The following PNPLA7 variants were observed in gnomAD, a reference collection of about 807,000 sequenced individuals.
PNPLA7 encodes patatin like domain 7, lysophospholipase.
Under a neutral mutation model 161.7 loss-of-function variants are expected in PNPLA7, and 153 were observed. The ratio of observed to expected loss-of-function variants is 0.95; its 90% CI spans 0.83 to 1.08. The LOEUF is 1.08. PNPLA7 is among the 50% of genes least tolerant of loss of function. The pLI is 0.00. For missense variants in PNPLA7, 1,739 were observed against 1,856.6 expected (o/e 0.94, Z 1.16); for synonymous variants, 809 against 782.1 (o/e 1.03, Z -0.57).
chr9:137,480,371 G>A lies in PNPLA7; in HGVS notation c.2521C>T (p.Arg841Cys), dbSNP rs150851825. 31 of 1,613,460 alleles carry A rather than the reference G, an allele frequency of 1.9e-5. No individual in the cohort carries two copies. In the African/African-American group the frequency reaches 2.5e-4, roughly 13 times the overall value. ...ACGATGAGGATGCAGTCGGCCTGGC[G>A]CACGCAGCGCTGGGTCCAGGGTGTG... ...TLTPWTQRCVRQADCILIVGL... is the reference protein window; with the variant it reads ...TLTPWTQRCVCQADCILIVGL... The change falls in exon 23 of 35, where the codon CGC becomes TGC. Residue 841 changes from arginine to cysteine, a missense_variant. By Grantham distance (180) the Arg-to-Cys change is radical. This residue lies in a region of PNPLA7 where 192 missense variants were observed against 249.5 expected (regional missense o/e 0.77). Coordinates refer to ENST00000406427, the MANE Select transcript of PNPLA7 (RefSeq NM_001098537.3).
At chr9:137,485,559 T>G (rs1475773655) in intron 20 of PNPLA7, among the ~76,000 whole-genome samples, 1 of 152,352 alleles carries the variant, frequency 6.6e-6, no homozygotes, top group East Asian at 1.9e-4. Context: ...GTCGCAGGGC[T>G]TTCCACCACT....
At chr9:137,487,963 C>G (rs945568731) in intron 20 of PNPLA7, among the ~76,000 whole-genome samples, 2 of 152,240 alleles carry the variant, frequency 1.3e-5, no homozygotes, top group Admixed American at 6.5e-5. Context: ...GGACTCAGGC[C>G]CAGATGATGT....
At chr9:137,505,862 T>G (rs558107799) in intron 13 of PNPLA7, 102 bp from the exon 14 acceptor site, 1 of 1,540,380 alleles carries the variant, frequency 6.5e-7, no homozygotes, top group East Asian at 2.3e-5. Flanking sequence ...AAAGGCCGGC[T>G]GAGCCTCCTG....
intron 12 of PNPLA7, among the ~76,000 whole-genome samples, chr9:137,510,412 T>C (rs576734977): frequency 1.3e-5 from 2 of 152,280 alleles, no homozygotes; most frequent in African/African-American, 4.8e-5. Flanking sequence ...AAAATACTAA[T>C]AGTCCCTGAT....
chr9:137,507,238 T>A (rs1423091255), intron 12 of PNPLA7, among the ~76,000 whole-genome samples: 1 of 152,202 alleles, frequency 6.6e-6, no homozygotes, highest in Non-Finnish European at 1.5e-5. Context: ...TGGAAAGCAA[T>A]CTATGGCAAC....
chr9:137,529,097 A>G (rs573827030), intron 8 of PNPLA7, among the ~76,000 whole-genome samples: 13 of 152,316 alleles, frequency 8.5e-5, no homozygotes, highest in African/African-American at 2.9e-4. Flanking sequence ...TCCCAGGCTC[A>G]AGCAATCCTC....
In PNPLA7 at chr9:137,479,132, A is replaced by G. The variant is rs954081217; in HGVS notation, c.2687T>C (p.Met896Thr). The G allele has an allele frequency of 7.5e-6, 12 of 1,595,242 alleles. No homozygotes were observed. The highest frequency in any genetic ancestry group is 1.0e-5 in the Non-Finnish European group (12 of 1,172,326). Residue 896 changes from methionine to threonine, a missense_variant, in exon 24 of 35, where the codon ATG (methionine) becomes ACG (threonine). Transcript: ENST00000406427. The part of the protein sequence containing the change: ...APARTVEWLN[M>T]RSWCSGHLHL... ...CAGGTGGCCGGAGCACCAGCTCCGC[A>G]TGTTGAGCCACTCCACGGTGCGCGC...
At position 137,540,992 on chromosome 9, in the gene PNPLA7, C is replaced by A; in HGVS notation, c.667-270G>T. Reference sequence around the variant, plus strand: ...CTCGTCTTCAATGTGGGGACTGAGGCAAAAGCTCGCAGAGCCTGTTTGTTT... The same window carrying A: ...CTCGTCTTCAATGTGGGGACTGAGGAAAAAGCTCGCAGAGCCTGTTTGTTT... On this transcript the variant is annotated intron_variant, in intron 7 of 34. Transcript: ENST00000406427. This position sits in a 1 kb window ranked among gnomAD's most constrained non-coding sequence, Gnocchi z 5.1. The A allele has an allele frequency of 2.4e-6, 1 of 414,394 alleles. No individual in the cohort carries two copies. The allele number at this position is 414,394 out of a possible 1,614,324, so 25.7% of individuals were successfully genotyped here.
chr9:137,493,624 A>G (rs1266244000), intron 19 of PNPLA7, among the ~76,000 whole-genome samples: 1 of 152,242 alleles, frequency 6.6e-6, no homozygotes, highest in East Asian at 1.9e-4. Context: ...CTGGCCCCAC[A>G]ACAGCGGACC....
rs145883734 is a variant in PNPLA7 at position 137,461,091 on chromosome 9, G to C, written c.3842-354C>G. 2.4e-3 allele frequency: 836 copies of C among 350,058 alleles called. 6 individuals carry two copies. The highest frequency in any genetic ancestry group is 0.015 in the African/African-American group (738 of 48,602). 21.7% of individuals were successfully genotyped at this position (350,058 alleles called of 1,614,324 possible). ...CCTCTCGGCCTGCGGCAGCCATGAA[G>C]ACGTCTCCCAGGAGAATGTCCAGTT... On this transcript the variant is annotated intron_variant, in intron 33 of 34. Coordinates refer to ENST00000406427, the MANE Select transcript of PNPLA7 (RefSeq NM_001098537.3).
At chr9:137,497,596 C>T (rs754268498) in intron 17 of PNPLA7, among the ~76,000 whole-genome samples, 22 of 152,360 alleles carry the variant, frequency 1.4e-4, no homozygotes, top group African/African-American at 5.1e-4. Context: ...GGCACGACCT[C>T]GGCTCACTGC....
At position 137,540,533 on chromosome 9, in the gene PNPLA7, T is replaced by G; in HGVS notation, c.747+109A>C. The G allele has an allele frequency of 1.0e-6, 1 of 968,306 alleles. No individual in the cohort carries two copies. The allele number at this position is 968,306 out of a possible 1,614,324, so 60.0% of individuals were successfully genotyped here. On this transcript the variant is annotated intron_variant, in intron 8 of 34. Coordinates refer to ENST00000406427, the MANE Select transcript of PNPLA7 (RefSeq NM_001098537.3). This position sits in a 1 kb window ranked among gnomAD's most constrained non-coding sequence, Gnocchi z 5.1. ...CCAAACCCTGCTCCCCTCACATCACTGTGGAGAACTGGCCTTTAACCACTA... is the reference window on the plus strand; with the variant it reads ...CCAAACCCTGCTCCCCTCACATCACGGTGGAGAACTGGCCTTTAACCACTA...
intron 19 of PNPLA7, 75 bp downstream of exon 19, chr9:137,494,958 C>T (rs922907119): frequency 1.0e-5 from 14 of 1,352,872 alleles, no homozygotes; most frequent in East Asian, 2.3e-5. Context: ...TCACCCGCTC[C>T]GCCCTCACCT....
At chr9:137,536,361 G>A (rs1449456682) in intron 8 of PNPLA7, among the ~76,000 whole-genome samples, 4 of 151,984 alleles carry the variant, frequency 2.6e-5, no homozygotes, top group Non-Finnish European at 5.9e-5. Flanking sequence ...GGGTGGTCCT[G>A]GGATGGCGTC....
Position 137,550,238 on chromosome 9 carries a change from AG to A in PNPLA7, c.-42del. Reference sequence around the variant, plus strand: ...AAACAGTCAGGGGCGAAAAGCAGACAGCCTGAAGCAAACAAGGGCACACCTC... The same window carrying A: ...AAACAGTCAGGGGCGAAAAGCAGACACCTGAAGCAAACAAGGGCACACCTC... On this transcript the variant is annotated 5_prime_UTR_variant, in exon 1 of 35. Transcript: ENST00000406427. 1 of 1,612,602 alleles carries A rather than the reference AG, an allele frequency of 6.2e-7. No individual in the cohort carries two copies. Among genetic ancestry groups the A allele is most frequent in the Non-Finnish European group, 8.5e-7 (1 of 1,179,528 alleles).
chr9:137,495,891 C>T (rs544398504), intron 18 of PNPLA7, among the ~76,000 whole-genome samples: 1 of 152,318 alleles, frequency 6.6e-6, no homozygotes, highest in South Asian at 2.1e-4. Flanking sequence ...TAAAGCCAAG[C>T]AGAGGCCCAG....
intron 8 of PNPLA7, among the ~76,000 whole-genome samples, chr9:137,531,085 G>T (rs1393145562): frequency 8.5e-5 from 13 of 152,070 alleles, no homozygotes; most frequent in Non-Finnish European, 1.6e-4. Flanking sequence ...TTTATGTAGA[G>T]CAAGTTCCTC....
At chr9:137,510,203 T>G (rs1406105246) in intron 12 of PNPLA7, among the ~76,000 whole-genome samples, 1 of 152,084 alleles carries the variant, frequency 6.6e-6, no homozygotes, top group Non-Finnish European at 1.5e-5. Flanking sequence ...GAGTCTCCCT[T>G]TCCCCGGGGA....
chr9:137,531,622 G>A (rs921278115), intron 8 of PNPLA7, among the ~76,000 whole-genome samples: 26 of 152,272 alleles, frequency 1.7e-4, no homozygotes, highest in Non-Finnish European at 1.9e-4. Context: ...TGGTGTCAAC[G>A]ACTGAACTAG....
Sources: allele counts gnomAD v4.1 joint callset (sites outside exome capture counted in the v4.1 genomes callset), GRCh38; gene constraint gnomAD v4.1.1; regional missense constraint gnomAD v4.1.1; non-coding constraint Gnocchi (gnomAD v3.1); transcripts MANE v1.5; gene names NCBI Gene and HGNC (gene_info 2026-07-23, HGNC 2026-07-21).